The following ME2 variants were observed in gnomAD, a reference collection of about 807,000 sequenced individuals.
ME2 encodes the protein malic enzyme 2, also known as NAD-dependent malic enzyme, mitochondrial.
In ME2, 60 loss-of-function variants were observed where a neutral mutation model predicts 73.7. That is an observed-to-expected ratio of 0.81 (90% CI 0.66 to 1.01). ME2 has a LOEUF of 1.01. ME2 is among the 50% of genes least tolerant of loss of function. ME2 has a pLI of 0.00. For missense variants in ME2, 594 were observed against 705.5 expected (o/e 0.84, Z 1.79); for synonymous variants, 199 against 236.9 (o/e 0.84, Z 1.47).
chr18:50,881,292 C>T lies in ME2; in HGVS notation c.-13+1984C>T, dbSNP rs562914785. Among the ~76,000 whole-genome samples, 3 of 152,302 alleles carry T rather than the reference C, an allele frequency of 2.0e-5. No homozygotes were observed. In the South Asian group the frequency reaches 6.2e-4, roughly 32 times the overall value. On this transcript the variant is annotated intron_variant, in intron 1 of 15. Transcript: ENST00000321341. ...CCTCAAGTGCTCCACCTCCTTCGGC[C>T]TCCCAAAGTGCTGGGATTACAGGAG...
chr18:50,943,848 A>T (rs1469905121), intron 15 of ME2, among the ~76,000 whole-genome samples: 1 of 152,160 alleles, frequency 6.6e-6, no homozygotes, highest in Non-Finnish European at 1.5e-5. Context: ...CAGAACTAGG[A>T]TGATAGAGTC....
Position 50,912,912 on chromosome 18 carries a change from T to C in ME2, c.354T>C (p.Leu118=). Residue 118 remains leucine, a synonymous_variant, in exon 4 of 16, where the codon CTT becomes CTC. Transcript: ENST00000321341. The part of the protein sequence containing the change: ...MPIVYTPTVG[L]ACSQYGHIFR... ...TTGTATATACACCGACGGTTGGTCT[T>C]GCCTGCTCCCAGTATGGACACATCT... is the stretch of plus-strand genomic sequence containing the variant. 2 of 1,611,904 alleles carry C rather than the reference T, an allele frequency of 1.2e-6. No homozygotes were observed. The highest frequency in any genetic ancestry group is 1.7e-6 in the Non-Finnish European group (2 of 1,179,270).
At chr18:50,896,242 C>T (rs764650355) in intron 2 of ME2, among the ~76,000 whole-genome samples, 7 of 152,172 alleles carry the variant, frequency 4.6e-5, no homozygotes, top group Non-Finnish European at 1.0e-4. Context: ...GAGATATTTA[C>T]ATTTCCCCAG....
chr18:50,900,270 T>TTTTA (rs201561556), intron 2 of ME2, among the ~76,000 whole-genome samples: 5,623 of 140,844 alleles, frequency 0.04, 198 homozygotes, highest in African/African-American at 0.093. Flanking sequence ...GTAAGAATAA[T>TTTTA]TTTATTTATT....
At chr18:50,885,264 C>G (rs536019488) in intron 1 of ME2, among the ~76,000 whole-genome samples, 1 of 152,318 alleles carries the variant, frequency 6.6e-6, no homozygotes, top group Non-Finnish European at 1.5e-5. Flanking sequence ...GCTCATGCCT[C>G]TAATCCCAGC....
intron 13 of ME2, among the ~76,000 whole-genome samples, chr18:50,937,643 CAG>C (rs1347737754): frequency 3.3e-5 from 5 of 151,936 alleles, no homozygotes; most frequent in African/African-American, 4.8e-5. Context: ...TCAATATCCT[CAG>C]GGGGACAAAA....
chr18:50,951,562 TTTA>T lies in ME2; in HGVS notation c.*4379_*4381del, dbSNP rs1343374475. The T allele has an allele frequency of 6.6e-6, 1 of 151,384 alleles. No individual in the cohort carries two copies. The highest frequency in any genetic ancestry group is 1.5e-5 in the Non-Finnish European group (1 of 67,870). 9.4% of individuals were successfully genotyped at this position (151,384 alleles called of 1,614,324 possible). On this transcript the variant is annotated 3_prime_UTR_variant, in exon 16 of 16. Transcript: ENST00000321341. ...GTTACGTTGTCTTTTTTTTTTTTTT[TTTA>T]ACTTCTTCATACTCTTAAAAAGCTC...
rs1402357469 is a variant in ME2 at position 50,950,974 on chromosome 18, C to T, written c.*3790C>T. On this transcript the variant is annotated 3_prime_UTR_variant, in exon 16 of 16. Transcript: ENST00000321341. ...TTATGTTCTTACACAGAATAGTTTT[C>T]ATCTAGTTTTATTATGTTTTTACAG... 1.3e-5 allele frequency: 2 copies of T among 152,288 alleles called. No homozygotes were observed. Among genetic ancestry groups the T allele is most frequent in the East Asian group, 3.9e-4 (2 of 5,186 alleles). 9.4% of individuals were successfully genotyped at this position (152,288 alleles called of 1,614,324 possible). A position where few individuals can be genotyped will look rare whatever the true frequency, so the allele number is the denominator to read the frequency against.
rs766807222 is a variant in ME2, at chr18:50,912,968, A to G, written c.392+18A>G. ...AGACCTAAGTAAGGCTTGTTTAAAA[A>G]AAAGCTTGTAAATGATTATTGAATA... On this transcript the variant is annotated intron_variant, in intron 4 of 15. Transcript: ENST00000321341. 1.3e-6 allele frequency: 2 copies of G among 1,563,956 alleles called. No individual in the cohort carries two copies. The highest frequency in any genetic ancestry group is 1.7e-6 in the Non-Finnish European group (2 of 1,161,324).
At chr18:50,945,407 A>AC (rs1204542686) in intron 15 of ME2, 4 of 152,234 alleles carry the variant, frequency 2.6e-5, no homozygotes, top group Non-Finnish European at 5.9e-5. Context: ...GGTGTGAGCC[A>AC]CCACGCCCAG....
chr18:50,907,234 C>G (rs555976744), intron 2 of ME2, among the ~76,000 whole-genome samples: 1 of 152,286 alleles, frequency 6.6e-6, no homozygotes, highest in African/African-American at 2.4e-5. Context: ...GAATCTCCAG[C>G]CCCTTCTTCC....
Position 50,934,705 on chromosome 18 carries a change from A to AT in ME2, c.1417+2347dup, listed in dbSNP as rs1397931485. The AT allele has an allele frequency of 2.0e-5, 3 of 152,114 alleles. No individual in the cohort carries two copies. The East Asian group carries it at 5.8e-4, about 29-fold the overall frequency. 9.4% of individuals were successfully genotyped at this position (152,114 alleles called of 1,614,324 possible). On this transcript the variant is annotated intron_variant, in intron 13 of 15. Transcript: ENST00000321341. ...CAGAAATGAGCCTAAAAGCAGGAGG[A>AT]TTGGCTGAAAGTCTGTTTATAAAGC...
chr18:50,894,728 T>C (rs895427652), intron 1 of ME2, among the ~76,000 whole-genome samples: 2 of 151,350 alleles, frequency 1.3e-5, no homozygotes, highest in East Asian at 3.9e-4. Flanking sequence ...TACAAAAAAA[T>C]TAGCTGGGCG....
chr18:50,909,656 A>G (rs534584153), intron 3 of ME2, among the ~76,000 whole-genome samples: 77 of 152,304 alleles, frequency 5.1e-4, no homozygotes, highest in African/African-American at 1.8e-3. Context: ...GATAGATTGA[A>G]AAATGAATGG....
chr18:50,915,426 G>C (rs538434449), intron 4 of ME2: 1 of 152,196 alleles, frequency 6.6e-6, no homozygotes, highest in South Asian at 2.1e-4. Context: ...ACCCTCGGTG[G>C]AGGGGCAGAG....
chr18:50,943,013 T>TCTCA (rs1233364150), intron 15 of ME2, among the ~76,000 whole-genome samples: 8 of 152,112 alleles, frequency 5.3e-5, no homozygotes, highest in African/African-American at 1.9e-4. Context: ...GCCAAGCTGA[T>TCTCA]CTCAAACTCC....
At chr18:50,903,649 A>T (rs565377540) in intron 2 of ME2, among the ~76,000 whole-genome samples, 1 of 152,254 alleles carries the variant, frequency 6.6e-6, no homozygotes, top group East Asian at 1.9e-4. Context: ...AGGTTTCACC[A>T]TGCTGCCCTA....
chr18:50,894,093 G>T (rs1293530915), intron 1 of ME2, among the ~76,000 whole-genome samples: 1 of 152,194 alleles, frequency 6.6e-6, no homozygotes, highest in African/African-American at 2.4e-5. Context: ...TCCATACATG[G>T]ATGTGTTGAT....
chr18:50,913,328 T>C (rs1475634818), intron 4 of ME2: 1 of 160,970 alleles, frequency 6.2e-6, no homozygotes, highest in Non-Finnish European at 1.3e-5. Context: ...TTAATCAGTT[T>C]TAATTTGTTT....
Sources: allele counts gnomAD v4.1 joint callset (sites outside exome capture counted in the v4.1 genomes callset), GRCh38; gene constraint gnomAD v4.1.1; transcripts MANE v1.5; gene names NCBI Gene and HGNC (gene_info 2026-07-23, HGNC 2026-07-21).